The following TNPO2 variants were observed in gnomAD, a reference collection of about 807,000 sequenced individuals.
TNPO2 encodes transportin-2.
A neutral mutation model predicts 111.1 loss-of-function variants in TNPO2; 16 were observed. The ratio of observed to expected loss-of-function variants is 0.14; its 90% CI spans 0.10 to 0.22. The LOEUF is 0.22. Ranked by LOEUF, TNPO2 falls within the 10% of genes least tolerant of loss-of-function variation. The pLI, the probability that TNPO2 is intolerant of heterozygous loss-of-function variation, is 1.00. For synonymous variants in TNPO2, 481 were observed against 475.8 expected (o/e 1.01, Z -0.14); for missense variants, 530 against 1,173.7 (o/e 0.45, Z 8.01).
In TNPO2 at chr19:12,711,662, T is replaced by C. The variant is rs374982883; in HGVS notation, c.891-49A>G. The C allele has an allele frequency of 6.0e-4, 940 of 1,569,172 alleles. 10 individuals carry two copies. Among genetic ancestry groups the C allele is most frequent in the Middle Eastern group, 1.2e-3 (7 of 6,020 alleles). Reference sequence around the variant, plus strand: ...GGGGATGCAGGGGCCGTGGCAAAAGTTGGGGGGAGGCACAGCTTGGGGAGG... The same window carrying C: ...GGGGATGCAGGGGCCGTGGCAAAAGCTGGGGGGAGGCACAGCTTGGGGAGG... On this transcript the variant is annotated intron_variant, in intron 10 of 25. Transcript: ENST00000425528.
Position 12,701,365 on chromosome 19 carries a change from G to A in TNPO2, c.2675C>T (p.Ala892Val), listed in dbSNP as rs759683724. ...QFPPLLKERL[A>V]AFYGV ...GATCACCTAGACCCCATAGAAAGCC[G>A]CCAGCCTCTCCTTGAGCAGCGGCGG... Residue 892 changes from alanine to valine, a missense_variant, in exon 25 of 26, where the codon GCG becomes GTG. By Grantham distance (64) the Ala-to-Val change is moderately conservative. This residue lies in a region of TNPO2 where 103 missense variants were observed against 156.7 expected (regional missense o/e 0.66). Coordinates refer to ENST00000425528, the MANE Select transcript of TNPO2 (RefSeq NM_001382241.1). This position sits in a 1 kb window ranked among gnomAD's most constrained non-coding sequence, Gnocchi z 5.0. The A allele has an allele frequency of 3.1e-6, 5 of 1,612,542 alleles. No homozygotes were observed. The highest frequency in any genetic ancestry group is 3.4e-6 in the Non-Finnish European group (4 of 1,179,692).
At chr19:12,711,052 G>A (rs751978815) in intron 12 of TNPO2, among the ~76,000 whole-genome samples, 13 of 152,040 alleles carry the variant, frequency 8.6e-5, no homozygotes, top group South Asian at 6.2e-4. Flanking sequence ...CCGACACCAC[G>A]CCCGACTAAT....
intron 13 of TNPO2, among the ~76,000 whole-genome samples, chr19:12,707,996 A>G (rs1365441786): frequency 6.6e-6 from 1 of 151,824 alleles, no homozygotes; most frequent in Non-Finnish European, 1.5e-5. Context: ...AATTTTTCAT[A>G]TTTTTAGCAG....
rs1966958437 is a variant in TNPO2 at position 12,721,654 on chromosome 19, C to T, written c.-13-664G>A. ...TTCTAAGGATTCCCCTTAATCAGGCCCAAAGCAGTCCCCAGGTAGGTCTCT... is the reference window on the plus strand; with the variant it reads ...TTCTAAGGATTCCCCTTAATCAGGCTCAAAGCAGTCCCCAGGTAGGTCTCT... On this transcript the variant is annotated intron_variant, in intron 2 of 25. Transcript: ENST00000425528. The surrounding 1 kb of genome is among the most constrained non-coding windows in gnomAD (Gnocchi z 4.9). 1 of 249,770 alleles carries T rather than the reference C, an allele frequency of 4.0e-6. No individual in the cohort carries two copies. The highest frequency in any genetic ancestry group is 5.9e-5 in the Admixed American group (1 of 16,914). The allele number at this position is 249,770 out of a possible 1,614,324, so 15.5% of individuals were successfully genotyped here. A position where few individuals can be genotyped will look rare whatever the true frequency, so the allele number is the denominator to read the frequency against.
At position 12,705,504 on chromosome 19, in the gene TNPO2, C is replaced by T. The variant is rs1247409628; in HGVS notation, c.1851G>A (p.Leu617=). The T allele has an allele frequency of 5.6e-6, 9 of 1,597,260 alleles. No individual in the cohort carries two copies. Among genetic ancestry groups the T allele is most frequent in the Non-Finnish European group, 7.7e-6 (9 of 1,172,576 alleles). Residue 617 remains leucine, a synonymous_variant, in exon 17 of 26, where the codon CTG becomes CTA. Transcript: ENST00000425528. This position sits in a 1 kb window ranked among gnomAD's most constrained non-coding sequence, Gnocchi z 7.2. ...QRCVTLVQKT[L]AQAMMYTQHP... is the part of the protein sequence containing the mutation. ...TAGGGTTGCTCACCATGGCCTGAGC[C>T]AGTGTCTTCTGCACCAGGGTGACAC... is the stretch of plus-strand genomic sequence containing the variant.
chr19:12,710,500 G>T, intron 13 of TNPO2, 121 bp downstream of exon 13: 1 of 1,184,488 alleles, frequency 8.4e-7, no homozygotes, highest in South Asian at 1.5e-5. Context: ...TGAGATCTCA[G>T]AGCTGTTTGG....
At position 12,721,208 on chromosome 19, in the gene TNPO2, G is replaced by T; in HGVS notation, c.-13-218C>A. 7.3e-7 allele frequency: 1 copy of T among 1,371,536 alleles called. No homozygotes were observed. Among genetic ancestry groups the T allele is most frequent in the Non-Finnish European group, 9.4e-7 (1 of 1,068,330 alleles). The allele number at this position is 1,371,536 out of a possible 1,614,324, so 85.0% of individuals were successfully genotyped here. Reference sequence around the variant, plus strand: ...CTCGGGAGCGCGGGAGGGGGGATGTGGAAACGGGCCACAGGCGGCGGCGGC... The same window carrying T: ...CTCGGGAGCGCGGGAGGGGGGATGTTGAAACGGGCCACAGGCGGCGGCGGC... On this transcript the variant is annotated intron_variant, in intron 2 of 25. Coordinates refer to ENST00000425528, the MANE Select transcript of TNPO2 (RefSeq NM_001382241.1). The surrounding 1 kb of genome is among the most constrained non-coding windows in gnomAD (Gnocchi z 4.9).
chr19:12,705,784 G>GA lies in TNPO2; in HGVS notation c.1669-17dup. On this transcript the variant is annotated splice_polypyrimidine_tract_variant and intron_variant, in intron 15 of 25. Coordinates refer to ENST00000425528, the MANE Select transcript of TNPO2 (RefSeq NM_001382241.1). This position sits in a 1 kb window ranked among gnomAD's most constrained non-coding sequence, Gnocchi z 7.2. The stretch of plus-strand genomic sequence containing the variant: ...GGATGTATTCCTGGAGAGGGAGCAC[G>GA]AAATGGGCGCTCCCTGGGTCGGGGT... 1 of 1,446,332 alleles carries GA rather than the reference G, an allele frequency of 6.9e-7. No individual in the cohort carries two copies. The highest frequency in any genetic ancestry group is 9.2e-7 in the Non-Finnish European group (1 of 1,092,400). 89.6% of individuals were successfully genotyped at this position (1,446,332 alleles called of 1,614,324 possible). A position where few individuals can be genotyped will look rare whatever the true frequency, so the allele number is the denominator to read the frequency against.
rs1188474064 is a variant in TNPO2 at position 12,701,689 on chromosome 19, C to A, written c.2512-17G>T. The stretch of plus-strand genomic sequence containing the variant: ...AATAAAGTCCTGAAACGTGACGGAT[C>A]CCAGGTGAGGGGCCGCCCGAGCCCA... On this transcript the variant is annotated splice_polypyrimidine_tract_variant and intron_variant, in intron 23 of 25. Coordinates refer to ENST00000425528, the MANE Select transcript of TNPO2 (RefSeq NM_001382241.1). This position sits in a 1 kb window ranked among gnomAD's most constrained non-coding sequence, Gnocchi z 5.0. 8.1e-6 allele frequency: 13 copies of A among 1,613,682 alleles called. No individual in the cohort carries two copies. The highest frequency in any genetic ancestry group is 1.3e-5 in the African/African-American group (1 of 74,914).
chr19:12,707,633 C>A (rs534854185), intron 13 of TNPO2, among the ~76,000 whole-genome samples: 1 of 150,532 alleles, frequency 6.6e-6, no homozygotes, highest in East Asian at 2.0e-4. Flanking sequence ...GGACTGCAGG[C>A]GCCCGCCACC....
chr19:12,719,944 G>A lies in TNPO2; in HGVS notation c.100-608C>T, dbSNP rs1387971663. On this transcript the variant is annotated intron_variant, in intron 3 of 25. Coordinates refer to ENST00000425528, the MANE Select transcript of TNPO2 (RefSeq NM_001382241.1). The surrounding 1 kb of genome is among the most constrained non-coding windows in gnomAD (Gnocchi z 5.0). The stretch of plus-strand genomic sequence containing the variant: ...ACTAGTCAGCGATCCCCACTAACAG[G>A]CCATGAAGACTTTTTTTTTTTTTTT... Among the ~76,000 whole-genome samples, 1 of 150,512 alleles carries A rather than the reference G, an allele frequency of 6.6e-6. No individual in the cohort carries two copies. The highest frequency in any genetic ancestry group is 1.5e-5 in the Non-Finnish European group (1 of 67,970).
chr19:12,722,912 A>T (rs963448682), intron 2 of TNPO2, among the ~76,000 whole-genome samples: 1 of 152,308 alleles, frequency 6.6e-6, no homozygotes, highest in Non-Finnish European at 1.5e-5. Flanking sequence ...CCTCGGCCAG[A>T]GCCAGCACCC....
In TNPO2 at chr19:12,719,755, C is replaced by T. The variant is rs946188644; in HGVS notation, c.100-419G>A. On this transcript the variant is annotated intron_variant, in intron 3 of 25. Coordinates refer to ENST00000425528, the MANE Select transcript of TNPO2 (RefSeq NM_001382241.1). This position sits in a 1 kb window ranked among gnomAD's most constrained non-coding sequence, Gnocchi z 5.0. Reference sequence around the variant, plus strand: ...TGAAGGTTGCAGTGAGCCGAGATTGCGCCTCTGCATTCCAGTCTGGGCGAC... The same window carrying T: ...TGAAGGTTGCAGTGAGCCGAGATTGTGCCTCTGCATTCCAGTCTGGGCGAC... 5.3e-5 allele frequency among the ~76,000 whole-genome samples: 8 copies of T among 151,542 alleles called. No individual in the cohort carries two copies. The highest frequency in any genetic ancestry group is 1.2e-4 in the African/African-American group (5 of 41,156).
At position 12,700,086 on chromosome 19, in the gene TNPO2, G is replaced by C. The variant is rs1387702415; in HGVS notation, c.*1178C>G. 2 of 152,140 alleles carry C rather than the reference G, an allele frequency of 1.3e-5. No homozygotes were observed. Among genetic ancestry groups the C allele is most frequent in the South Asian group, 2.1e-4 (1 of 4,822 alleles). The allele number at this position is 152,140 out of a possible 1,614,324, so 9.4% of individuals were successfully genotyped here. A position where few individuals can be genotyped will look rare whatever the true frequency, so the allele number is the denominator to read the frequency against. On this transcript the variant is annotated 3_prime_UTR_variant, in exon 26 of 26. Coordinates refer to ENST00000425528, the MANE Select transcript of TNPO2 (RefSeq NM_001382241.1). ...TAGAATTGCTGACCCAGTCTAGTAG[G>C]ATCTCTGGGCTCACTGGGTACTATG...
intron 10 of TNPO2, among the ~76,000 whole-genome samples, chr19:12,713,808 G>A (rs1246355000): frequency 2.6e-5 from 4 of 152,154 alleles, no homozygotes. Flanking sequence ...CAGGAGGACT[G>A]CTTGAGGCCA....
At chr19:12,710,894 T>TTTTTG (rs1568335455) in intron 12 of TNPO2, 121 bp from the exon 13 acceptor site, 1 of 1,116,400 alleles carries the variant, frequency 9.0e-7, no homozygotes. Context: ...AGCTTCTTTT[T>TTTTTG]TTTTGTTTTG....
chr19:12,712,747 C>T (rs558806006), intron 10 of TNPO2, among the ~76,000 whole-genome samples: 44 of 152,280 alleles, frequency 2.9e-4, no homozygotes, highest in African/African-American at 1.0e-3. Context: ...TAAATAACAG[C>T]GCAGCCAGAC....
intron 13 of TNPO2, among the ~76,000 whole-genome samples, chr19:12,707,235 G>A (rs1373362864): frequency 1.3e-5 from 2 of 152,152 alleles, no homozygotes; most frequent in Non-Finnish European, 2.9e-5. Flanking sequence ...CTGACCTCGT[G>A]ATCCACCCGC....
chr19:12,711,130 G>T (rs934043922), intron 12 of TNPO2, 166 bp downstream of exon 12: 9 of 826,230 alleles, frequency 1.1e-5, no homozygotes, highest in Non-Finnish European at 1.7e-5. Context: ...TCCTGACCTC[G>T]TGATCCGCCC....
Sources: gnomAD v4.1 joint callset for allele counts (sites outside exome capture counted in the v4.1 genomes callset) on GRCh38, gnomAD v4.1.1 for gene constraint, gnomAD v4.1.1 regional missense constraint, Gnocchi (gnomAD v3.1) non-coding constraint, MANE v1.5 for transcripts, NCBI Gene and HGNC (gene_info 2026-07-23, HGNC 2026-07-21) for gene names.